Variants in MAP3K7CL observed in about 807,000 individuals in gnomAD.
MAP3K7CL encodes MAP3K7 C-terminal like, also known as MAP3K7 C-terminal-like protein.
A neutral mutation model predicts 18.6 loss-of-function variants in MAP3K7CL; 16 were observed. The ratio of observed to expected loss-of-function variants is 0.86; its 90% CI spans 0.58 to 1.31. MAP3K7CL has a LOEUF of 1.31. Among genes scored for constraint, MAP3K7CL ranks in the 50% most tolerant of loss-of-function variants. The pLI is 0.00. For synonymous variants in MAP3K7CL, 65 were observed against 66.8 expected (o/e 0.97, Z 0.13); for missense variants, 163 against 174.4 (o/e 0.93, Z 0.37).
intron 2 of MAP3K7CL, among the ~76,000 whole-genome samples, chr21:29,143,436 T>C (rs2087052426): frequency 6.6e-6 from 1 of 151,970 alleles, no homozygotes; most frequent in Non-Finnish European, 1.5e-5. Context: ...TTTCTTTTTT[T>C]TTTGAGGCGG....
intron 1 of MAP3K7CL, among the ~76,000 whole-genome samples, chr21:29,088,827 G>C (rs184879387): frequency 6.6e-6 from 1 of 152,044 alleles, no homozygotes; most frequent in Non-Finnish European, 1.5e-5. Flanking sequence ...AGAAATCTTG[G>C]GGTGTGACTG....
chr21:29,084,160 G>T (rs1345084496), upstream of MAP3K7CL, among the ~76,000 whole-genome samples: 1 of 151,060 alleles, frequency 6.6e-6, no homozygotes, highest in Non-Finnish European at 1.5e-5. Flanking sequence ...TTTCACTTTA[G>T]AATAATTTTG....
At chr21:29,113,747 C>T (rs1388265684) in intron 4 of MAP3K7CL, among the ~76,000 whole-genome samples, 1 of 152,130 alleles carries the variant, frequency 6.6e-6, no homozygotes, top group East Asian at 1.9e-4. Context: ...TGGTCTCAAT[C>T]TCCTGACCTC....
intron 1 of MAP3K7CL, chr21:29,091,481 T>G: frequency 3.0e-6 from 2 of 662,890 alleles, no homozygotes; most frequent in Non-Finnish European, 5.4e-6. Context: ...CTTTTTTTCT[T>G]TTTTATTTTT....
At chr21:29,088,994 AC>A (rs1398299842) in intron 1 of MAP3K7CL, among the ~76,000 whole-genome samples, 6 of 151,868 alleles carry the variant, frequency 4.0e-5, no homozygotes, top group Admixed American at 2.0e-4. Flanking sequence ...ACATGGTGAA[AC>A]CCCGTCTCTA....
chr21:29,109,199 A>G (rs1568940553), intron 4 of MAP3K7CL: 1 of 1,535,388 alleles, frequency 6.5e-7, no homozygotes, highest in East Asian at 2.4e-5. Flanking sequence ...GACATAGGGA[A>G]GGGTGGGTAA....
At position 29,118,320 on chromosome 21, in the gene MAP3K7CL, G is replaced by C. The variant is rs987509168; in HGVS notation, c.370+25739G>C. ...GGCTGGTCTTGAACTCCTGACCTCA[G>C]GTGATTTGCCTGCCTCGGCCTCCCA... is the stretch of plus-strand genomic sequence containing the variant. On this transcript the variant is annotated intron_variant, in intron 4 of 6. Coordinates refer to the MAP3K7CL transcript ENST00000286791. Among the ~76,000 whole-genome samples, 3 of 142,184 alleles carry C rather than the reference G, an allele frequency of 2.1e-5. No individual in the cohort carries two copies. In the South Asian group the frequency reaches 6.9e-4, roughly 33 times the overall value. 93.3% of individuals were successfully genotyped at this position (142,184 alleles called of 152,430 possible).
chr21:29,173,478 C>A (rs891339612), intron 4 of MAP3K7CL, among the ~76,000 whole-genome samples: 3 of 152,208 alleles, frequency 2.0e-5, no homozygotes, highest in African/African-American at 7.2e-5. Flanking sequence ...ACCAGCAGTA[C>A]AAAGCCTTCC....
chr21:29,093,238 T>C (rs1256847378), intron 4 of MAP3K7CL, among the ~76,000 whole-genome samples: 1 of 152,216 alleles, frequency 6.6e-6, no homozygotes, highest in African/African-American at 2.4e-5. Context: ...AAATAATAGC[T>C]CATATAATAA....
chr21:29,098,291 T>G (rs2086159052), intron 4 of MAP3K7CL, among the ~76,000 whole-genome samples: 1 of 152,192 alleles, frequency 6.6e-6, no homozygotes, highest in South Asian at 2.1e-4. Flanking sequence ...AACTCTATGT[T>G]TAAGATGCAT....
At chr21:29,139,009 A>G (rs1024478589) in intron 2 of MAP3K7CL, among the ~76,000 whole-genome samples, 5 of 152,194 alleles carry the variant, frequency 3.3e-5, no homozygotes, top group Non-Finnish European at 7.3e-5. Flanking sequence ...TTATATCTGG[A>G]TATGAATTAA....
chr21:29,127,978 T>A (rs1446994669), upstream of MAP3K7CL: 1 of 152,282 alleles, frequency 6.6e-6, no homozygotes, highest in Non-Finnish European at 1.5e-5. Flanking sequence ...TACTTCATCC[T>A]AGGTCTGTCC....
At chr21:29,150,529 G>C (rs1236857889) in intron 3 of MAP3K7CL, among the ~76,000 whole-genome samples, 1 of 152,132 alleles carries the variant, frequency 6.6e-6, no homozygotes, top group East Asian at 1.9e-4. Context: ...AATTGTATAG[G>C]AGGTCGGAGG....
At chr21:29,159,346 T>C (rs977572424) in intron 3 of MAP3K7CL, among the ~76,000 whole-genome samples, 1 of 152,102 alleles carries the variant, frequency 6.6e-6, no homozygotes, top group Non-Finnish European at 1.5e-5. Context: ...AAGAGAAACA[T>C]GAATCTTATA....
chr21:29,123,092 T>C (rs2086625334), intron 4 of MAP3K7CL, among the ~76,000 whole-genome samples: 1 of 147,388 alleles, frequency 6.8e-6, no homozygotes, highest in Admixed American at 6.9e-5. Context: ...AATGGAGTTT[T>C]GCTCTTGTTG....
At chr21:29,123,343 C>T (rs909016837) in intron 4 of MAP3K7CL, among the ~76,000 whole-genome samples, 3 of 152,174 alleles carry the variant, frequency 2.0e-5, no homozygotes, top group Non-Finnish European at 2.9e-5. Flanking sequence ...GGATTACAGG[C>T]ATGAGCCACT....
chr21:29,128,559 C>A (rs1401408345), upstream of MAP3K7CL, among the ~76,000 whole-genome samples: 2 of 152,180 alleles, frequency 1.3e-5, no homozygotes, highest in Non-Finnish European at 2.9e-5. Context: ...GCCTCAGCCT[C>A]CCAAATTGCT....
At chr21:29,132,079 TAG>T (rs1051065160) in intron 1 of MAP3K7CL, among the ~76,000 whole-genome samples, 2 of 152,194 alleles carry the variant, frequency 1.3e-5, no homozygotes, top group Non-Finnish European at 2.9e-5. Flanking sequence ...AGAAGGAAAG[TAG>T]AGGGTTTAGG....
chr21:29,102,874 G>C (rs2086257878), intron 4 of MAP3K7CL, among the ~76,000 whole-genome samples: 1 of 152,170 alleles, frequency 6.6e-6, no homozygotes, highest in South Asian at 2.1e-4. Context: ...ATGTAATGAG[G>C]AACTCAGGTC....
Sources: gnomAD v4.1 joint callset for allele counts (sites outside exome capture counted in the v4.1 genomes callset) on GRCh38, gnomAD v4.1.1 for gene constraint, MANE v1.5 for transcripts, NCBI Gene and HGNC (gene_info 2026-07-23, HGNC 2026-07-21) for gene names.